Variants in RBFOX1 observed in about 807,000 individuals in gnomAD.
RBFOX1 encodes the protein RNA binding protein fox-1 homolog 1.
A neutral mutation model predicts 57.7 loss-of-function variants in RBFOX1; 8 were observed. The observed-to-expected ratio is 0.14, with a 90% CI of 0.08 to 0.25. The LOEUF (loss-of-function observed/expected upper bound fraction) is 0.25, where lower values mean the gene tolerates loss of function less well. Among genes scored for constraint, RBFOX1 ranks in the 10% least tolerant of loss-of-function variants. The pLI, the probability that RBFOX1 is intolerant of heterozygous loss-of-function variation, is 1.00. For synonymous variants in RBFOX1, 326 were observed against 222.4 expected, an observed-to-expected ratio of 1.47 and a Z score of -4.15; for missense variants, 611 against 548.5, an observed-to-expected ratio of 1.11 and a Z score of -1.14.
At chr16:6,899,979 C>G (rs1028912387) in intron 3 of RBFOX1, among the ~76,000 whole-genome samples, 5 of 152,126 alleles carry the variant, frequency 3.3e-5, no homozygotes, top group African/African-American at 1.2e-4. Flanking sequence ...GGTTAATTTG[C>G]CTTTCTGTGC....
chr16:5,799,612 TTG>T (rs1437213112), intron 3 of RBFOX1, among the ~76,000 whole-genome samples: 1 of 152,158 alleles, frequency 6.6e-6, no homozygotes, highest in Non-Finnish European at 1.5e-5. Flanking sequence ...AAAATAGGCT[TTG>T]TGTTAGGTGA....
intron 3 of RBFOX1, among the ~76,000 whole-genome samples, chr16:6,959,830 G>C (rs542572576): frequency 6.6e-6 from 1 of 152,092 alleles, no homozygotes; most frequent in Non-Finnish European, 1.5e-5. Flanking sequence ...CCAGCTACTC[G>C]GGAGGCTGAG....
At chr16:6,162,695 A>T (rs1373195010) in intron 1 of RBFOX1, among the ~76,000 whole-genome samples, 1 of 152,128 alleles carries the variant, frequency 6.6e-6, no homozygotes, top group Non-Finnish European at 1.5e-5. Flanking sequence ...TTGGTAAACC[A>T]CACATGGAGG....
At chr16:7,235,497 G>C (rs1439726483) in intron 4 of RBFOX1, among the ~76,000 whole-genome samples, 6 of 152,202 alleles carry the variant, frequency 3.9e-5, no homozygotes, top group African/African-American at 1.4e-4. Flanking sequence ...GGAGATGCTG[G>C]TAGTTTTTGA....
Position 5,488,305 on chromosome 16 carries a change from A to G in RBFOX1, c.258+21051A>G, listed in dbSNP as rs561503833. Among the ~76,000 whole-genome samples, 32 of 103,162 alleles carry G rather than the reference A, an allele frequency of 3.1e-4. 1 individual carries two copies. The highest frequency in any genetic ancestry group is 6.0e-4 in the Non-Finnish European group (30 of 49,950). The allele number at this position is 103,162 out of a possible 152,430, so 67.7% of individuals were successfully genotyped here. A position where few individuals can be genotyped will look rare whatever the true frequency, so the allele number is the denominator to read the frequency against. On this transcript the variant is annotated intron_variant, in intron 2 of 2. Coordinates refer to the RBFOX1 transcript ENST00000585867. ...TGGTGGTGATGATGATGATAATGGA[A>G]GATAATGGTGATGATGATGGATAAT... is the stretch of plus-strand genomic sequence containing the variant.
chr16:6,660,943 A>G (rs1157241455), intron 3 of RBFOX1, among the ~76,000 whole-genome samples: 2 of 151,880 alleles, frequency 1.3e-5, no homozygotes, highest in Non-Finnish European at 1.5e-5. Context: ...AGGTCAGGAA[A>G]TACAAATGCA....
intron 1 of RBFOX1, among the ~76,000 whole-genome samples, chr16:5,373,921 ATGT>A: frequency 6.8e-6 from 1 of 148,114 alleles, no homozygotes; most frequent in African/African-American, 2.5e-5. Context: ...TTTTCTTTAT[ATGT>A]TACCCAGTTT....
At chr16:5,660,937 TG>T (rs1291207483) in intron 3 of RBFOX1, among the ~76,000 whole-genome samples, 1 of 152,122 alleles carries the variant, frequency 6.6e-6, no homozygotes, top group Non-Finnish European at 1.5e-5. Flanking sequence ...GAAGGAGTGC[TG>T]ATGTTAGAGG....
downstream of RBFOX1, among the ~76,000 whole-genome samples, chr16:5,600,462 G>C (rs2151206437): frequency 6.9e-6 from 1 of 145,914 alleles, no homozygotes; most frequent in South Asian, 2.2e-4. Flanking sequence ...CTCCAGCCTG[G>C]GCAAACAGAG....
intron 3 of RBFOX1, among the ~76,000 whole-genome samples, chr16:6,844,589 A>T (rs75832638): frequency 6.6e-6 from 1 of 151,420 alleles, no homozygotes; most frequent in South Asian, 2.1e-4. Context: ...TTTGTCATTG[A>T]TGGGCATTTA....
At chr16:5,445,681 C>T (rs2068219444) in intron 1 of RBFOX1, among the ~76,000 whole-genome samples, 1 of 152,146 alleles carries the variant, frequency 6.6e-6, no homozygotes, top group African/African-American at 2.4e-5. Flanking sequence ...GTGGGGCTGC[C>T]TGGAACTTAG....
chr16:6,533,153 G>T (rs1205631243), intron 2 of RBFOX1, among the ~76,000 whole-genome samples: 1 of 152,196 alleles, frequency 6.6e-6, no homozygotes, highest in African/African-American at 2.4e-5. Flanking sequence ...ACAGGAACAG[G>T]AAAGACAAAC....
chr16:7,148,315 T>G (rs1026363415), intron 4 of RBFOX1, among the ~76,000 whole-genome samples: 6 of 152,228 alleles, frequency 3.9e-5, no homozygotes, highest in Non-Finnish European at 8.8e-5. Flanking sequence ...CAATGTTGTT[T>G]ATAAGGAAAC....
chr16:5,516,363 C>T (rs1014973673), intron 2 of RBFOX1, among the ~76,000 whole-genome samples: 3 of 152,114 alleles, frequency 2.0e-5, no homozygotes, highest in Non-Finnish European at 2.9e-5. Flanking sequence ...TTCTGTCTTC[C>T]ATCACTTCCT....
chr16:6,813,348 C>T (rs907221897), intron 3 of RBFOX1, among the ~76,000 whole-genome samples: 1 of 152,166 alleles, frequency 6.6e-6, no homozygotes, highest in Non-Finnish European at 1.5e-5. Context: ...CATGTAACTG[C>T]CTTCAGAAGC....
intron 4 of RBFOX1, among the ~76,000 whole-genome samples, chr16:7,400,015 T>G (rs556637148): frequency 6.6e-6 from 1 of 152,336 alleles, no homozygotes; most frequent in South Asian, 2.1e-4. Context: ...AACAATTATA[T>G]GAGGTAGGGA....
intron 3 of RBFOX1, among the ~76,000 whole-genome samples, chr16:5,769,510 A>G (rs918001987): frequency 6.6e-6 from 1 of 150,932 alleles, no homozygotes; most frequent in African/African-American, 2.4e-5. Context: ...AAAATTAGCT[A>G]GGTATGGTGG....
chr16:5,713,997 C>T (rs1027525299), intron 3 of RBFOX1, among the ~76,000 whole-genome samples: 11 of 152,268 alleles, frequency 7.2e-5, no homozygotes, highest in African/African-American at 2.6e-4. Flanking sequence ...AGGAAGCTCA[C>T]TCACAGGGCT....
At chr16:5,591,252 CTTT>C (rs35415642) in intron 2 of RBFOX1, among the ~76,000 whole-genome samples, 27,482 of 141,362 alleles carry the variant, frequency 0.19, 2,728 homozygotes, top group East Asian at 0.32. Context: ...CAAAATGAAC[CTTT>C]TTTTTTTTTT....
Sources: gnomAD v4.1 joint callset for allele counts (sites outside exome capture counted in the v4.1 genomes callset) on GRCh38, gnomAD v4.1.1 for gene constraint, MANE v1.5 for transcripts, NCBI Gene and HGNC (gene_info 2026-07-23, HGNC 2026-07-21) for gene names.